Variants in GTPBP10 observed in about 807,000 individuals in gnomAD.
GTPBP10 encodes the protein GTP binding protein 10, also known as GTP-binding protein 10.
Under a neutral mutation model 44.8 loss-of-function variants are expected in GTPBP10, and 38 were observed. That is an observed-to-expected ratio of 0.85 (90% CI 0.65 to 1.11). GTPBP10 has a LOEUF of 1.11. Among genes scored for constraint, GTPBP10 ranks in the 50% most tolerant of loss-of-function variants. GTPBP10 has a pLI of 0.00. For synonymous variants in GTPBP10, 152 were observed against 150.6 expected (o/e 1.01, Z -0.07); for missense variants, 462 against 453.7 (o/e 1.02, Z -0.17).
chr7:90,385,565 A>G lies in GTPBP10; in HGVS notation c.*411A>G, dbSNP rs1796510366. ...TATATTGAGCCATTCCACAATGTATAGATATTTCAAAACATGTTACACATG... is the reference window on the plus strand; with the variant it reads ...TATATTGAGCCATTCCACAATGTATGGATATTTCAAAACATGTTACACATG... On this transcript the variant is annotated 3_prime_UTR_variant, in exon 10 of 10. Coordinates refer to ENST00000222511, the MANE Select transcript of GTPBP10 (RefSeq NM_033107.4). 6.5e-6 allele frequency: 1 copy of G among 153,012 alleles called. No individual in the cohort carries two copies. Among genetic ancestry groups the G allele is most frequent in the Non-Finnish European group, 1.5e-5 (1 of 68,616 alleles). 9.5% of individuals were successfully genotyped at this position (153,012 alleles called of 1,614,324 possible).
At chr7:90,358,586 A>G (rs1477288843) in intron 4 of GTPBP10, among the ~76,000 whole-genome samples, 3 of 152,208 alleles carry the variant, frequency 2.0e-5, no homozygotes, top group African/African-American at 4.8e-5. Context: ...ATGAAACTGC[A>G]TTCATATCTC....
At chr7:90,351,719 G>A (rs568437435) in intron 1 of GTPBP10, among the ~76,000 whole-genome samples, 27 of 151,556 alleles carry the variant, frequency 1.8e-4, no homozygotes, top group Non-Finnish European at 2.9e-4. Flanking sequence ...TTTTTGAGAC[G>A]GAGTCTCGCT....
At chr7:90,372,518 A>G (rs17867196) in intron 5 of GTPBP10, among the ~76,000 whole-genome samples, 1,842 of 127,094 alleles carry the variant, frequency 0.014, 43 homozygotes, top group African/African-American at 0.057. Flanking sequence ...GGGTTTCGCC[A>G]TGTTGCCCAG....
At chr7:90,375,499 G>A (rs904987181) in intron 6 of GTPBP10, among the ~76,000 whole-genome samples, 3 of 151,882 alleles carry the variant, frequency 2.0e-5, no homozygotes, top group Non-Finnish European at 4.4e-5. Flanking sequence ...AAAAGTATTT[G>A]GTTATAATAG....
chr7:90,363,988 G>C (rs1050319742), intron 4 of GTPBP10, among the ~76,000 whole-genome samples: 5 of 152,156 alleles, frequency 3.3e-5, no homozygotes, highest in Admixed American at 3.3e-4. Flanking sequence ...AGCTCCATCA[G>C]GTCATTTAAG....
chr7:90,371,353 T>C (rs1343494988), intron 4 of GTPBP10: 1 of 165,384 alleles, frequency 6.0e-6, no homozygotes, highest in Non-Finnish European at 1.2e-5. Flanking sequence ...TGATTCAGTT[T>C]AAAGAGTAGG....
chr7:90,348,014 G>A (rs1449317789), intron 1 of GTPBP10, among the ~76,000 whole-genome samples: 3 of 151,994 alleles, frequency 2.0e-5, no homozygotes, highest in African/African-American at 7.2e-5. Flanking sequence ...ATCCCTTAAG[G>A]CCAGGAGTTC....
rs777036279 is a variant in GTPBP10, at chr7:90,378,209, A to G, written c.775A>G (p.Lys259Glu). 1.2e-6 allele frequency: 2 copies of G among 1,611,674 alleles called. No homozygotes were observed. The highest frequency in any genetic ancestry group is 3.3e-4 in the Middle Eastern group (2 of 5,972). ...TAFETIILLT[K>E]ELELYKEELQ... is the part of the protein sequence containing the mutation. ...TTTTGAAACCATAATACTGCTTACA[A>G]AAGTAGGTTTTCTGTTTTACTGTGT... Residue 259 changes from lysine (K) to glutamate (E), a missense_variant and splice_region_variant, in exon 8 of 10, where the codon AAA (lysine) becomes GAA (glutamate). Transcript: ENST00000222511.
At chr7:90,353,834 C>CT (rs67999607) in intron 2 of GTPBP10, among the ~76,000 whole-genome samples, 129,568 of 144,378 alleles carry the variant, frequency 0.9, 58,362 homozygotes, top group East Asian at 1. Context: ...TTCATTTTTT[C>CT]TTTTTTTTTT....
At chr7:90,348,124 T>G (rs538256448) in intron 1 of GTPBP10, among the ~76,000 whole-genome samples, 1 of 152,198 alleles carries the variant, frequency 6.6e-6, no homozygotes, top group East Asian at 1.9e-4. Flanking sequence ...AGTGGGAGAA[T>G]TGCTTGAGCC....
intron 1 of GTPBP10, among the ~76,000 whole-genome samples, chr7:90,348,149 T>C (rs745359457): frequency 2.6e-5 from 4 of 152,130 alleles, no homozygotes; most frequent in Non-Finnish European, 5.9e-5. Flanking sequence ...AGTTTGAGGC[T>C]GCAGCAATGA....
intron 4 of GTPBP10, among the ~76,000 whole-genome samples, chr7:90,369,357 C>T (rs565668853): frequency 3.9e-5 from 6 of 152,290 alleles, no homozygotes; most frequent in Non-Finnish European, 5.9e-5. Context: ...TTAAGGTCTG[C>T]CAAAGCTGTC....
In GTPBP10 at chr7:90,377,521, T is replaced by C; in HGVS notation, c.606T>C (p.Asp202=). ...CTTTGTATTAGATATCAGTAGCTGA[T>C]CTTCCGGGTTTAATAGAAGGAGCAC... is the stretch of plus-strand genomic sequence containing the variant. ...YSDFKQISVA[D]LPGLIEGAHM... Residue 202 remains aspartate, a synonymous_variant, in exon 7 of 10, where the codon GAT becomes GAC. Coordinates refer to ENST00000222511, the MANE Select transcript of GTPBP10 (RefSeq NM_033107.4). 6.2e-7 allele frequency: 1 copy of C among 1,606,684 alleles called. No individual in the cohort carries two copies. The highest frequency in any genetic ancestry group is 8.5e-7 in the Non-Finnish European group (1 of 1,176,470).
chr7:90,354,418 A>G (rs1795852979), intron 2 of GTPBP10, 40 bp from the exon 3 acceptor site: 1 of 1,002,108 alleles, frequency 1.0e-6, no homozygotes, highest in Non-Finnish European at 1.5e-6. Context: ...GTATATATAC[A>G]CACACACATA....
At chr7:90,353,807 C>CT (rs59038520) in intron 2 of GTPBP10, among the ~76,000 whole-genome samples, 5 of 146,638 alleles carry the variant, frequency 3.4e-5, no homozygotes, top group African/African-American at 7.6e-5. Context: ...GGTGGATTTT[C>CT]TTTTTTTTTT....
intron 4 of GTPBP10, among the ~76,000 whole-genome samples, chr7:90,362,472 A>G (rs895555568): frequency 2.6e-5 from 4 of 152,132 alleles, no homozygotes; most frequent in Non-Finnish European, 4.4e-5. Flanking sequence ...CTGAGTTCCA[A>G]TTTGATTGCA....
chr7:90,384,833 G>A, intron 9 of GTPBP10, 59 bp from the exon 10 acceptor site: 1 of 1,506,820 alleles, frequency 6.6e-7, no homozygotes, highest in Non-Finnish European at 8.9e-7. Context: ...CCATTAACAT[G>A]GTTTTAACTA....
At chr7:90,349,774 C>T (rs1006484939) in intron 1 of GTPBP10, among the ~76,000 whole-genome samples, 2 of 152,142 alleles carry the variant, frequency 1.3e-5, no homozygotes, top group South Asian at 2.1e-4. Flanking sequence ...CTTTCATCAG[C>T]ATTAACAACC....
At chr7:90,383,221 A>AT in intron 9 of GTPBP10, 142 bp downstream of exon 9, 1 of 482,712 alleles carries the variant, frequency 2.1e-6, no homozygotes, top group Non-Finnish European at 3.5e-6. Context: ...TGTAAATAAC[A>AT]TTGTAACATA....
Sources: gnomAD v4.1 joint callset for allele counts (sites outside exome capture counted in the v4.1 genomes callset) on GRCh38, gnomAD v4.1.1 for gene constraint, MANE v1.5 for transcripts, NCBI Gene and HGNC (gene_info 2026-07-23, HGNC 2026-07-21) for gene names.